DUSP22: variants seen among roughly 807,000 people sequenced by gnomAD.
DUSP22 encodes dual specificity protein phosphatase 22.
DUSP22 carries 24 observed loss-of-function variants against 24.5 expected under a neutral mutation model. That is an observed-to-expected ratio of 0.98 (90% CI 0.71 to 1.38). DUSP22 has a LOEUF of 1.38. DUSP22 is among the 40% of genes most tolerant of loss of function. The pLI is 0.00. For missense variants in DUSP22, 330 were observed against 269.2 expected, an observed-to-expected ratio of 1.23 and a Z score of -1.58; for synonymous variants, 160 against 106.4, an observed-to-expected ratio of 1.50 and a Z score of -3.10.
At chr6:322,501 C>T (rs1015756402) in intron 3 of DUSP22, among the ~76,000 whole-genome samples, 1 of 152,300 alleles carries the variant, frequency 6.6e-6, no homozygotes, top group Non-Finnish European at 1.5e-5. Flanking sequence ...CAGATTCCAA[C>T]CCAAGAAGAC....
At chr6:337,452 C>T (rs1324666106) in intron 4 of DUSP22, among the ~76,000 whole-genome samples, 4 of 152,298 alleles carry the variant, frequency 2.6e-5, no homozygotes, top group Admixed American at 6.5e-5. Context: ...TTTTGGTGCC[C>T]AGGAAGCCTG....
At chr6:341,583 T>C (rs942839963) in intron 4 of DUSP22, among the ~76,000 whole-genome samples, 6 of 152,306 alleles carry the variant, frequency 3.9e-5, no homozygotes, top group East Asian at 1.9e-4. Flanking sequence ...TTGTGCCGAA[T>C]TGTGTCCATG....
In DUSP22 at chr6:304,657, C is replaced by T. The variant is rs756063227; in HGVS notation, c.51C>T (p.Phe17=). Residue 17 remains phenylalanine (F), a synonymous_variant, in exon 2 of 7, where the codon TTC becomes TTT. Transcript: ENST00000419235. ...TGCCCGGCCTGTACATCGGCAACTT[C>T]AAAGGTGAGTTCTTGCTTTTTTATT... ...KILPGLYIGN[F]KDARDAEQLS... 5 of 1,614,244 alleles carry T rather than the reference C, an allele frequency of 3.1e-6. No individual in the cohort carries two copies. Among genetic ancestry groups the T allele is most frequent in the Non-Finnish European group, 4.2e-6 (5 of 1,180,012 alleles).
rs961876858 is a variant in DUSP22, at chr6:351,008, A to G, written c.*2057A>G. 6 of 1,224,244 alleles carry G rather than the reference A, an allele frequency of 4.9e-6. No individual in the cohort carries two copies. The highest frequency in any genetic ancestry group is 7.1e-6 in the Non-Finnish European group (6 of 850,074). 75.8% of individuals were successfully genotyped at this position (1,224,244 alleles called of 1,614,324 possible). A position where few individuals can be genotyped will look rare whatever the true frequency, so the allele number is the denominator to read the frequency against. On this transcript the variant is annotated 3_prime_UTR_variant, in exon 7 of 7. Transcript: ENST00000419235. ...TTTGAAGCTGAATATATACGTAGTC[A>G]TGTTTATGTTGAGAACTAAGGATAT...
intron 2 of DUSP22, among the ~76,000 whole-genome samples, chr6:306,711 T>C (rs994914204): frequency 4.6e-5 from 7 of 152,312 alleles, no homozygotes; most frequent in Admixed American, 1.3e-4. Flanking sequence ...AATTGTGCTG[T>C]GAATTCACTT....
At chr6:319,632 C>G (rs1419427459) in intron 3 of DUSP22, among the ~76,000 whole-genome samples, 1 of 152,306 alleles carries the variant, frequency 6.6e-6, no homozygotes, top group Non-Finnish European at 1.5e-5. Context: ...GCCATTGTTT[C>G]CAGCGTGGGT....
chr6:340,725 A>T (rs369289464), intron 4 of DUSP22, among the ~76,000 whole-genome samples: 183 of 152,352 alleles, frequency 1.2e-3, no homozygotes, highest in African/African-American at 4.0e-3. Context: ...GTCTGGTACC[A>T]TGGGCTTTTA....
chr6:332,881 T>C (rs372779061), intron 3 of DUSP22, among the ~76,000 whole-genome samples: 13 of 152,328 alleles, frequency 8.5e-5, no homozygotes, highest in African/African-American at 2.6e-4. Context: ...GGAGGGAGAG[T>C]GTGGGAGGAA....
intron 3 of DUSP22, among the ~76,000 whole-genome samples, chr6:322,208 A>C (rs1758627225): frequency 6.6e-6 from 1 of 152,310 alleles, no homozygotes; most frequent in Non-Finnish European, 1.5e-5. Flanking sequence ...ACCATGGGAG[A>C]AAATGCTAGG....
At chr6:340,661 T>C (rs1759567140) in intron 4 of DUSP22, among the ~76,000 whole-genome samples, 1 of 152,308 alleles carries the variant, frequency 6.6e-6, no homozygotes, top group African/African-American at 2.4e-5. Flanking sequence ...TTGTATCATT[T>C]GCAGGAAGGA....
intron 1 of DUSP22, among the ~76,000 whole-genome samples, chr6:295,540 T>C (rs1272696877): frequency 3.3e-5 from 5 of 152,196 alleles, no homozygotes; most frequent in African/African-American, 1.2e-4. Flanking sequence ...TTTGGGAGAT[T>C]GAGGCAGGTG....
At chr6:334,663 T>C (rs1237355264) in intron 3 of DUSP22, among the ~76,000 whole-genome samples, 11 of 152,306 alleles carry the variant, frequency 7.2e-5, no homozygotes, top group Non-Finnish European at 1.6e-4. Context: ...CTAAAATTGA[T>C]GTAGAAAGCT....
chr6:346,094 C>A (rs1168709715), intron 5 of DUSP22, among the ~76,000 whole-genome samples, 166 bp downstream of exon 5: 2 of 152,304 alleles, frequency 1.3e-5, no homozygotes, highest in Non-Finnish European at 2.9e-5. Flanking sequence ...TGTTAGTCGC[C>A]CTTTCCTTCT....
Position 350,483 on chromosome 6 carries a change from GAGC to G in DUSP22, c.*1535_*1537del. ...CACAAAAAGAGACCCTGAATAAGAA[GAGC>G]AGTTTTCCTGTGCATATAGAGGGTG... On this transcript the variant is annotated 3_prime_UTR_variant, in exon 7 of 7. Coordinates refer to ENST00000419235, the MANE Select transcript of DUSP22 (RefSeq NM_001286555.3). 1 of 1,194,590 alleles carries G rather than the reference GAGC, an allele frequency of 8.4e-7. No homozygotes were observed. The highest frequency in any genetic ancestry group is 1.0e-6 in the Non-Finnish European group (1 of 959,452). The allele number at this position is 1,194,590 out of a possible 1,614,324, so 74.0% of individuals were successfully genotyped here. A position where few individuals can be genotyped will look rare whatever the true frequency, so the allele number is the denominator to read the frequency against.
chr6:324,336 G>A (rs1413036014), intron 3 of DUSP22, among the ~76,000 whole-genome samples: 1 of 152,302 alleles, frequency 6.6e-6, no homozygotes, highest in South Asian at 2.1e-4. Flanking sequence ...GGAGGCCTGG[G>A]AGCAGTGACC....
At chr6:292,585 G>A (rs765167793) in intron 1 of DUSP22, 25 bp downstream of exon 1, 1 of 1,592,554 alleles carries the variant, frequency 6.3e-7, no homozygotes, top group South Asian at 1.1e-5. Flanking sequence ...CGTTCGCGCT[G>A]GGTTTGCCTC....
In DUSP22 at chr6:348,942, G is replaced by A. The variant is rs550684592; in HGVS notation, c.609G>A (p.Thr203=). The change falls in exon 7 of 7, where the codon ACG becomes ACA. Residue 203 remains threonine (T), a synonymous_variant. Transcript: ENST00000419235. ...CGCTGACCTACGATAATTATACGAC[G>A]GAGACCTAACGCAAGCGACCTGCTG... ...LAPLTYDNYT[T]ET 266 of 1,599,366 alleles carry A rather than the reference G, an allele frequency of 1.7e-4. No individual in the cohort carries two copies. The African/African-American group carries it at 2.6e-3, about 16-fold the overall frequency.
chr6:309,271 A>G (rs112817700), intron 2 of DUSP22, among the ~76,000 whole-genome samples: 1,650 of 151,798 alleles, frequency 0.011, no homozygotes, highest in African/African-American at 0.039. Context: ...ATTATATTAT[A>G]GACGCCTTTC....
intron 4 of DUSP22, among the ~76,000 whole-genome samples, chr6:342,015 T>A (rs1253106914): frequency 6.6e-6 from 1 of 152,304 alleles, no homozygotes; most frequent in African/African-American, 2.4e-5. Context: ...CGTGCAGATG[T>A]CAAAGTGAGA....
Sources: gnomAD v4.1 joint callset for allele counts (sites outside exome capture counted in the v4.1 genomes callset) on GRCh38, gnomAD v4.1.1 for gene constraint, MANE v1.5 for transcripts, NCBI Gene and HGNC (gene_info 2026-07-23, HGNC 2026-07-21) for gene names.